The following LRRC7 variants were observed in gnomAD, a reference collection of about 807,000 sequenced individuals.
The protein encoded by LRRC7 is leucine-rich repeat-containing protein 7.
Under a neutral mutation model 175.7 loss-of-function variants are expected in LRRC7, and 23 were observed. The ratio of observed to expected loss-of-function variants is 0.13; its 90% CI spans 0.09 to 0.19. The LOEUF is 0.19. LRRC7 is among the 10% of genes least tolerant of loss of function. LRRC7 has a pLI of 1.00. For missense variants in LRRC7, 1,354 were observed against 1,904.7 expected (o/e 0.71, Z 5.38); for synonymous variants, 685 against 680.9 (o/e 1.01, Z -0.09).
intron 23 of LRRC7, among the ~76,000 whole-genome samples, chr1:70,054,562 G>T (rs1356404627): frequency 2.3e-5 from 3 of 132,460 alleles, no homozygotes; most frequent in Non-Finnish European, 4.8e-5. Context: ...ATTGAATTAT[G>T]GTTCTTTACA....
intron 25 of LRRC7, among the ~76,000 whole-genome samples, chr1:70,098,727 T>C (rs1251350572): frequency 6.6e-6 from 1 of 151,404 alleles, no homozygotes; most frequent in East Asian, 1.9e-4. Context: ...CTAGAAGAAA[T>C]GGATAAATTC....
At chr1:70,099,147 G>A (rs1178170310) in intron 25 of LRRC7, among the ~76,000 whole-genome samples, 1 of 140,892 alleles carries the variant, frequency 7.1e-6, no homozygotes, top group Non-Finnish European at 1.5e-5. Flanking sequence ...TTCATCCCTG[G>A]GATGCAAGGC....
rs534679025 is a variant in LRRC7 at position 69,681,609 on chromosome 1, T to A, written c.100+3131T>A. 3.9e-5 allele frequency among the ~76,000 whole-genome samples: 6 copies of A among 152,288 alleles called. No homozygotes were observed. In the East Asian group the frequency reaches 9.6e-4, roughly 24 times the overall value. ...ATTGTGGAAGACAGATTTTTAAACA[T>A]GTTTAAGGTATTCCCCATTAAAATA... On this transcript the variant is annotated intron_variant, in intron 2 of 26. Transcript: ENST00000651989.
rs59212223 is a variant in LRRC7, at chr1:69,600,800, C to CTTTTTTTTTTTTTTTTTTTTTTTTTTTT, written c.2+32160_2+32187dup. Among the ~76,000 whole-genome samples, 5 of 64,896 alleles carry CTTTTTTTTTTTTTTTTTTTTTTTTTTTT rather than the reference C, an allele frequency of 7.7e-5. 2 individuals carry two copies. Among genetic ancestry groups the CTTTTTTTTTTTTTTTTTTTTTTTTTTTT allele is most frequent in the African/African-American group, 1.9e-4 (3 of 16,152 alleles). 42.6% of individuals were successfully genotyped at this position (64,896 alleles called of 152,430 possible). A position where few individuals can be genotyped will look rare whatever the true frequency, so the allele number is the denominator to read the frequency against. On this transcript the variant is annotated intron_variant, in intron 1 of 26. Coordinates refer to ENST00000651989, the MANE Select transcript of LRRC7 (RefSeq NM_001370785.2). ...CCATTTCTCCAAGGATCTCTGGTTTCTTTTTTTTTTTTTTTTTTTTTTTTT... is the reference window on the plus strand; with the variant it reads ...CCATTTCTCCAAGGATCTCTGGTTTCTTTTTTTTTTTTTTTTTTTTTTTTTTTTTTTTTTTTTTTTTTTTTTTTTTTTT...
chr1:69,858,947 C>T (rs1432638143), intron 7 of LRRC7, among the ~76,000 whole-genome samples: 1 of 152,018 alleles, frequency 6.6e-6, no homozygotes, highest in Non-Finnish European at 1.5e-5. Flanking sequence ...TTAACAATTG[C>T]AAATATATAC....
intron 3 of LRRC7, among the ~76,000 whole-genome samples, chr1:69,781,418 T>C (rs1673470519): frequency 6.6e-6 from 1 of 151,714 alleles, no homozygotes; most frequent in Non-Finnish European, 1.5e-5. Flanking sequence ...ATGGTGTCTC[T>C]TGCCTGTAAT....
At chr1:69,935,453 G>A (rs955103067) in intron 8 of LRRC7, among the ~76,000 whole-genome samples, 6 of 151,998 alleles carry the variant, frequency 3.9e-5, no homozygotes, top group East Asian at 1.9e-4. Context: ...TATCAAATTC[G>A]AAATCTAGAT....
intron 24 of LRRC7, among the ~76,000 whole-genome samples, chr1:70,082,921 G>A (rs558990517): frequency 6.6e-6 from 1 of 151,044 alleles, no homozygotes; most frequent in East Asian, 2.0e-4. Flanking sequence ...GAGTAGCTGG[G>A]ATTACAGCAT....
chr1:69,636,143 T>C (rs564483857), intron 1 of LRRC7, among the ~76,000 whole-genome samples: 2 of 152,150 alleles, frequency 1.3e-5, no homozygotes, highest in East Asian at 3.9e-4. Context: ...GTACCTAGGA[T>C]AAGTGTAGAG....
intron 3 of LRRC7, among the ~76,000 whole-genome samples, chr1:69,790,509 T>A (rs1222331800): frequency 1.3e-5 from 2 of 151,998 alleles, no homozygotes; most frequent in Non-Finnish European, 2.9e-5. Context: ...GAACATGGCT[T>A]GAAATGGTTA....
At chr1:69,781,837 GGA>G (rs1359337631) in intron 3 of LRRC7, among the ~76,000 whole-genome samples, 4 of 95,536 alleles carry the variant, frequency 4.2e-5, no homozygotes, top group African/African-American at 1.9e-4. Flanking sequence ...AAGGAAGGAA[GGA>G]AGGAAGGGAG....
chr1:69,629,533 C>G (rs1023753725), intron 1 of LRRC7, among the ~76,000 whole-genome samples: 6 of 152,128 alleles, frequency 3.9e-5, no homozygotes, highest in Non-Finnish European at 7.4e-5. Context: ...AGCTCAGTCA[C>G]TTGGTCTATA....
intron 1 of LRRC7, among the ~76,000 whole-genome samples, chr1:69,579,218 C>T (rs1414707027): frequency 1.3e-5 from 2 of 151,980 alleles, no homozygotes; most frequent in African/African-American, 4.8e-5. Flanking sequence ...AAAATGTTTA[C>T]TTGGGTTTTG....
chr1:69,635,067 C>CTCT (rs1317912590), intron 1 of LRRC7, among the ~76,000 whole-genome samples: 1 of 152,132 alleles, frequency 6.6e-6, no homozygotes, highest in East Asian at 1.9e-4. Flanking sequence ...TTTTCCTGAT[C>CTCT]TCTTCCCTCC....
At chr1:69,935,217 C>G (rs1214971136) in intron 8 of LRRC7, among the ~76,000 whole-genome samples, 1 of 152,042 alleles carries the variant, frequency 6.6e-6, no homozygotes, top group Non-Finnish European at 1.5e-5. Flanking sequence ...TCTTTGCCCC[C>G]ACCAAACCCC....
intron 4 of LRRC7, among the ~76,000 whole-genome samples, chr1:69,817,108 G>A (rs1300081388): frequency 1.3e-5 from 2 of 151,854 alleles, no homozygotes; most frequent in African/African-American, 4.8e-5. Flanking sequence ...ATTTTGTATA[G>A]TCCTACTTGC....
chr1:70,058,078 C>T (rs1274229308), intron 23 of LRRC7, among the ~76,000 whole-genome samples: 1 of 147,082 alleles, frequency 6.8e-6, no homozygotes, highest in African/African-American at 2.5e-5. Context: ...GGTGTGATCT[C>T]GGCTCATTGC....
chr1:69,646,042 GTTAT>G (rs1421859634), intron 1 of LRRC7, among the ~76,000 whole-genome samples: 3 of 152,128 alleles, frequency 2.0e-5, no homozygotes, highest in South Asian at 4.1e-4. Context: ...TGGAAGTCAA[GTTAT>G]TTATATGAAT....
chr1:69,992,814 G>A (rs12047486), intron 10 of LRRC7, among the ~76,000 whole-genome samples: 7,093 of 152,108 alleles, frequency 0.047, 172 homozygotes, highest in South Asian at 0.1. Flanking sequence ...TTAGCCTTAG[G>A]CCCCAACCTT....
Sources: gnomAD v4.1 joint callset for allele counts (sites outside exome capture counted in the v4.1 genomes callset) on GRCh38, gnomAD v4.1.1 for gene constraint, MANE v1.5 for transcripts, NCBI Gene and HGNC (gene_info 2026-07-23, HGNC 2026-07-21) for gene names.